Variants in CD5 observed in about 807,000 individuals in gnomAD.
CD5 encodes the protein T-cell surface glycoprotein CD5.
CD5 carries 36 observed loss-of-function variants against 60.3 expected under a neutral mutation model. The observed-to-expected ratio is 0.60, with a 90% confidence interval of 0.46 to 0.79. The LOEUF (loss-of-function observed/expected upper bound fraction) is 0.79. Ranked by LOEUF, CD5 falls within the 30% of genes least tolerant of loss-of-function variation. The probability of loss-of-function intolerance (pLI) is 0.00; values close to 1 mark genes in which losing one functional copy is unlikely to be tolerated. For synonymous variants in CD5, 230 were observed against 257.6 expected, an observed-to-expected ratio of 0.89 and a Z score of 1.03; for missense variants, 540 against 630.6, an observed-to-expected ratio of 0.86 and a Z score of 1.54.
intron 2 of CD5, 110 bp downstream of exon 2, chr11:61,115,204 A>G: frequency 1.1e-6 from 1 of 950,380 alleles, no homozygotes; most frequent in South Asian, 1.5e-5. Context: ...GCCAGAGTGA[A>G]CCCCACCCTA....
intron 1 of CD5, among the ~76,000 whole-genome samples, chr11:61,110,805 G>A (rs1301547042): frequency 6.6e-6 from 1 of 152,188 alleles, no homozygotes; most frequent in African/African-American, 2.4e-5. Flanking sequence ...TGAGGACTGG[G>A]AGAGTTAATG....
At chr11:61,102,661 AG>A (rs1565181768) in intron 1 of CD5, 46 bp downstream of exon 1, 1 of 1,476,014 alleles carries the variant, frequency 6.8e-7, no homozygotes, top group South Asian at 1.2e-5. Flanking sequence ...GGCTCGCTCC[AG>A]TGCAAGGAAG....
chr11:61,116,835 A>AC (rs1860972375), intron 2 of CD5, among the ~76,000 whole-genome samples: 1 of 137,142 alleles, frequency 7.3e-6, no homozygotes, highest in Non-Finnish European at 1.6e-5. Flanking sequence ...AACACACACA[A>AC]CACACACACC....
At chr11:61,124,783 C>T (rs1861121435) in intron 8 of CD5, among the ~76,000 whole-genome samples, 1 of 151,902 alleles carries the variant, frequency 6.6e-6, no homozygotes, top group South Asian at 2.1e-4. Context: ...GACCGACTCA[C>T]GGAAGGCCCC....
At chr11:61,104,406 C>A (rs979979140) in intron 1 of CD5, among the ~76,000 whole-genome samples, 42 of 152,162 alleles carry the variant, frequency 2.8e-4, no homozygotes, top group Admixed American at 1.3e-4. Flanking sequence ...CCCTTAAACC[C>A]CCCACCTGCT....
upstream of CD5, among the ~76,000 whole-genome samples, chr11:61,101,456 A>C (rs1466236997): frequency 1.4e-5 from 2 of 144,688 alleles, no homozygotes; most frequent in African/African-American, 2.6e-5. Context: ...TCACACACAC[A>C]AACATGGAGA....
At position 61,125,097 on chromosome 11, in the gene CD5, G is replaced by A. The variant is rs200669351; in HGVS notation, c.1345G>A (p.Val449Met). The change falls in exon 9 of 11, where the codon GTG (valine) becomes ATG (methionine). Residue 449 changes from valine (V) to methionine (M), a missense_variant. By Grantham distance (21) the Val-to-Met change is conservative (BLOSUM62 1). Coordinates refer to ENST00000347785, the MANE Select transcript of CD5 (RefSeq NM_014207.4). ...SHAENPTASH[V>M]DNEYSQPPRN... ...TGCTGAGAACCCCACAGCCTCCCAC[G>A]TGGATAACGAATACAGCCAACCTCC... The A allele has an allele frequency of 1.1e-4, 179 of 1,614,082 alleles. No individual in the cohort carries two copies. Among genetic ancestry groups the A allele is most frequent in the South Asian group, 6.5e-4 (59 of 91,084 alleles).
At chr11:61,125,341 G>A (rs1296780504) in intron 9 of CD5, among the ~76,000 whole-genome samples, 190 bp downstream of exon 9, 2 of 152,206 alleles carry the variant, frequency 1.3e-5, no homozygotes, top group South Asian at 2.1e-4. Flanking sequence ...GGCCCCAGCT[G>A]TCCCGTTTGA....
chr11:61,119,535 G>A lies in CD5; in HGVS notation c.765G>A (p.Lys255=), dbSNP rs142046261. The change falls in exon 5 of 11, where the codon AAG becomes AAA. Residue 255 remains lysine (K), a synonymous_variant. Coordinates refer to ENST00000347785, the MANE Select transcript of CD5 (RefSeq NM_014207.4). The stretch of plus-strand genomic sequence containing the variant: ...TGGAGCATTGCTTCAGGAAAATCAA[G>A]CCCCAGAAAAGTGGCCGAGTTCTTG... ...TSLEHCFRKI[K]PQKSGRVLAL... The A allele has an allele frequency of 4.3e-6, 7 of 1,613,416 alleles. No individual in the cohort carries two copies. The highest frequency in any genetic ancestry group is 1.6e-4 in the Middle Eastern group (1 of 6,080).
chr11:61,111,376 G>C (rs1168727229), intron 1 of CD5, among the ~76,000 whole-genome samples: 1 of 152,190 alleles, frequency 6.6e-6, no homozygotes, highest in Non-Finnish European at 1.5e-5. Context: ...TTTATACCAG[G>C]AACGTACTCA....
At chr11:61,102,453 T>G, upstream of CD5, 1 of 235,242 alleles carries the variant, frequency 4.3e-6, no homozygotes, top group Non-Finnish European at 8.6e-6. Context: ...CACCCCTCCC[T>G]GAGCACGCCA....
chr11:61,107,903 C>T (rs1466580580), intron 1 of CD5, among the ~76,000 whole-genome samples: 2 of 152,180 alleles, frequency 1.3e-5, no homozygotes, highest in African/African-American at 4.8e-5. Flanking sequence ...GAATGAACCC[C>T]TCCCTCCTTC....
At chr11:61,116,593 T>TACACACC (rs1288634978) in intron 2 of CD5, among the ~76,000 whole-genome samples, 1 of 12,066 alleles carries the variant, frequency 8.3e-5, no homozygotes, top group Non-Finnish European at 1.7e-4. Flanking sequence ...ACATGCACAC[T>TACACACC]ACACACCACA....
rs1860990922 is a variant in CD5, at chr11:61,118,119, G to C, written c.95-56G>C. 6 of 1,554,682 alleles carry C rather than the reference G, an allele frequency of 3.9e-6. No homozygotes were observed. The South Asian group carries it at 4.7e-5, about 12-fold the overall frequency. On this transcript the variant is annotated intron_variant, in intron 2 of 10. Transcript: ENST00000347785. The surrounding 1 kb of genome is among the most constrained non-coding windows in gnomAD (Gnocchi z 4.7). ...CGTCCTAGGGAGAGGGCAGTGAGGG[G>C]TGCCAGTGGGGAACCCCTCCCAGCC... is the stretch of plus-strand genomic sequence containing the variant.
At chr11:61,094,131 G>A in the CD5 span, among the ~76,000 whole-genome samples, 1 of 151,926 alleles carries the variant, frequency 6.6e-6, no homozygotes, top group African/African-American at 2.4e-5. Flanking sequence ...CCTGCCTTGT[G>A]GAGCATCCCC....
At chr11:61,100,080 C>T (rs550289067), upstream of CD5, among the ~76,000 whole-genome samples, 499 of 143,472 alleles carry the variant, frequency 3.5e-3, 1 homozygote, top group Middle Eastern at 8.4e-3. Context: ...ATCACTCACA[C>T]ACATCAACAT....
the CD5 span, among the ~76,000 whole-genome samples, chr11:61,095,321 G>A: frequency 6.6e-6 from 1 of 152,190 alleles, no homozygotes; most frequent in Non-Finnish European, 1.5e-5. Context: ...CCCTGAGAGA[G>A]CAGTGATATA....
chr11:61,121,736 C>A lies in CD5; in HGVS notation c.931C>A (p.Arg311=), dbSNP rs765539960. The change falls in exon 6 of 11, where the codon CGG becomes AGG. Residue 311 remains arginine, a synonymous_variant. Coordinates refer to ENST00000347785, the MANE Select transcript of CD5 (RefSeq NM_014207.4). Reference sequence around the variant, plus strand: ...CAGCTCTTCAGCCAGGAGCTCGCTGCGGTGGGAGGAGGTGTGCCGGGAGCA... The same window carrying A: ...CAGCTCTTCAGCCAGGAGCTCGCTGAGGTGGGAGGAGGTGTGCCGGGAGCA... ...CDSSSARSSL[R]WEEVCREQQC... is the part of the protein sequence containing the mutation. 25 of 1,610,110 alleles carry A rather than the reference C, an allele frequency of 1.6e-5. No homozygotes were observed. The highest frequency in any genetic ancestry group is 2.1e-5 in the Non-Finnish European group (25 of 1,177,388).
At chr11:61,116,411 C>G (rs1021965050) in intron 2 of CD5, among the ~76,000 whole-genome samples, 1 of 146,592 alleles carries the variant, frequency 6.8e-6, no homozygotes, top group Non-Finnish European at 1.5e-5. Flanking sequence ...CACACACACA[C>G]CACACATACA....
Sources: allele counts gnomAD v4.1 joint callset (sites outside exome capture counted in the v4.1 genomes callset), GRCh38; gene constraint gnomAD v4.1.1; non-coding constraint Gnocchi (gnomAD v3.1); transcripts MANE v1.5; gene names NCBI Gene and HGNC (gene_info 2026-07-23, HGNC 2026-07-21).